NRG2: variants seen among roughly 807,000 people sequenced by gnomAD.
NRG2 encodes the protein neuregulin 2.
NRG2 carries 27 observed loss-of-function variants against 73.9 expected under a neutral mutation model. The observed-to-expected ratio is 0.37, with a 90% CI of 0.27 to 0.50. The LOEUF is 0.50. Among genes scored for constraint, NRG2 ranks in the 20% least tolerant of loss-of-function variants. NRG2 has a pLI of 0.96. For missense variants in NRG2, 1,126 were observed against 1,210.1 expected (o/e 0.93, Z 1.03); for synonymous variants, 532 against 541.0 (o/e 0.98, Z 0.23).
At chr5:139,934,277 T>C (rs1291704276) in intron 1 of NRG2, among the ~76,000 whole-genome samples, 2 of 152,182 alleles carry the variant, frequency 1.3e-5, no homozygotes, top group East Asian at 1.9e-4. Context: ...TAAAAGATAA[T>C]GATTTAAGGC....
At position 139,887,569 on chromosome 5, in the gene NRG2, G is replaced by T; in HGVS notation, c.701-58C>A. ...TGGTGGTAGGGGCAGTGCCAAGCAT[G>T]AGTAGTGGAGAGTAAGGGCCACTGT... On this transcript the variant is annotated intron_variant, in intron 1 of 9. Transcript: ENST00000361474. This position sits in a 1 kb window ranked among gnomAD's most constrained non-coding sequence, Gnocchi z 4.5. 6.7e-7 allele frequency: 1 copy of T among 1,496,656 alleles called. No individual in the cohort carries two copies. Among genetic ancestry groups the T allele is most frequent in the Non-Finnish European group, 9.2e-7 (1 of 1,085,900 alleles). The allele number at this position is 1,496,656 out of a possible 1,614,324, so 92.7% of individuals were successfully genotyped here. A position where few individuals can be genotyped will look rare whatever the true frequency, so the allele number is the denominator to read the frequency against.
At chr5:139,963,520 C>G (rs767560809) in intron 1 of NRG2, among the ~76,000 whole-genome samples, 1 of 152,216 alleles carries the variant, frequency 6.6e-6, no homozygotes, top group Non-Finnish European at 1.5e-5. Flanking sequence ...CACCCATGAT[C>G]CTCATATAAG....
At chr5:139,963,343 C>A (rs1190646793) in intron 1 of NRG2, among the ~76,000 whole-genome samples, 1 of 152,210 alleles carries the variant, frequency 6.6e-6, no homozygotes, top group African/African-American at 2.4e-5. Context: ...CACACACTCA[C>A]ATACACATGT....
intron 1 of NRG2, among the ~76,000 whole-genome samples, chr5:139,995,446 C>T (rs557979670): frequency 7.9e-5 from 12 of 152,270 alleles, no homozygotes; most frequent in African/African-American, 1.9e-4. Context: ...CAGACGCAGA[C>T]GGGCAGTTCA....
chr5:139,863,583 G>A (rs760577525), intron 5 of NRG2, among the ~76,000 whole-genome samples: 23 of 152,192 alleles, frequency 1.5e-4, no homozygotes, highest in Non-Finnish European at 2.6e-4. Flanking sequence ...CGCCATCCAG[G>A]ACAGTCTCAC....
rs949533011 is a variant in NRG2 at position 139,954,673 on chromosome 5, G to A, written c.701-67162C>T. 4.6e-5 allele frequency among the ~76,000 whole-genome samples: 7 copies of A among 152,198 alleles called. No homozygotes were observed. Among genetic ancestry groups the A allele is most frequent in the Non-Finnish European group, 7.3e-5 (5 of 68,032 alleles). On this transcript the variant is annotated intron_variant, in intron 1 of 9. Transcript: ENST00000361474. The surrounding 1 kb of genome is among the most constrained non-coding windows in gnomAD (Gnocchi z 5.0). ...CGACTCTCCGCAGAGGCCCCTGCGCGTATCCCGCCAAGTTCCTCTCTCTTT... is the reference window on the plus strand; with the variant it reads ...CGACTCTCCGCAGAGGCCCCTGCGCATATCCCGCCAAGTTCCTCTCTCTTT...
At position 140,008,618 on chromosome 5, in the gene NRG2, A is replaced by G. The variant is rs941522635; in HGVS notation, c.700+33752T>C. On this transcript the variant is annotated intron_variant, in intron 1 of 9. Coordinates refer to ENST00000361474, the MANE Select transcript of NRG2 (RefSeq NM_004883.3). The surrounding 1 kb of genome is among the most constrained non-coding windows in gnomAD (Gnocchi z 4.2). ...GAAAAACTAAAACCAAATGAAATGT[A>G]TATACACTACAGTGAATTCCAGACG... 6.6e-6 allele frequency among the ~76,000 whole-genome samples: 1 copy of G among 152,244 alleles called. No homozygotes were observed. The highest frequency in any genetic ancestry group is 2.4e-5 in the African/African-American group (1 of 41,468).
chr5:139,847,913 G>T lies in NRG2; in HGVS notation c.*4C>A, dbSNP rs1451451693. On this transcript the variant is annotated 3_prime_UTR_variant, in exon 10 of 10. Transcript: ENST00000361474. ...GGCGGGGCGGAGGGGCGCGCGGCGG[G>T]GCCCTAGAGTGGCGCCGAGTCCTGC... is the stretch of plus-strand genomic sequence containing the variant. The T allele has an allele frequency of 4.6e-5, 67 of 1,445,254 alleles. No individual in the cohort carries two copies. Among genetic ancestry groups the T allele is most frequent in the Admixed American group, 3.1e-4 (11 of 35,202 alleles). 89.5% of individuals were successfully genotyped at this position (1,445,254 alleles called of 1,614,324 possible). A position where few individuals can be genotyped will look rare whatever the true frequency, so the allele number is the denominator to read the frequency against.
At chr5:139,901,501 T>A (rs1764888260) in intron 1 of NRG2, among the ~76,000 whole-genome samples, 1 of 152,152 alleles carries the variant, frequency 6.6e-6, no homozygotes, top group Admixed American at 6.5e-5. Flanking sequence ...ATATCCCACC[T>A]CTGACCTGGT....
chr5:139,938,362 C>CT (rs35461631), intron 1 of NRG2, among the ~76,000 whole-genome samples: 22,885 of 146,480 alleles, frequency 0.16, 1,906 homozygotes, highest in South Asian at 0.26. Context: ...GATTTCAATA[C>CT]TTTTTTTTTT....
rs532064147 is a variant in NRG2 at position 139,951,656 on chromosome 5, C to T, written c.701-64145G>A. 9.2e-5 allele frequency among the ~76,000 whole-genome samples: 14 copies of T among 152,340 alleles called. 1 individual carries two copies. The South Asian group carries it at 2.3e-3, about 25-fold the overall frequency. On this transcript the variant is annotated intron_variant, in intron 1 of 9. Coordinates refer to ENST00000361474, the MANE Select transcript of NRG2 (RefSeq NM_004883.3). ...CCCAGAGATGCCTCCTTGGCCCATCCGCCTGCCTTTCATCCTACACCACCC... is the reference window on the plus strand; with the variant it reads ...CCCAGAGATGCCTCCTTGGCCCATCTGCCTGCCTTTCATCCTACACCACCC...
chr5:140,007,534 A>G (rs1759005529), intron 1 of NRG2, among the ~76,000 whole-genome samples: 1 of 152,010 alleles, frequency 6.6e-6, no homozygotes, highest in African/African-American at 2.4e-5. Context: ...CCGACAGGCA[A>G]CACCAGCTGG....
At chr5:139,952,534 G>T (rs979021719) in intron 1 of NRG2, among the ~76,000 whole-genome samples, 6 of 152,182 alleles carry the variant, frequency 3.9e-5, no homozygotes, top group African/African-American at 1.4e-4. Flanking sequence ...GTGGGAGAAG[G>T]CTCCAGATTC....
At chr5:140,002,038 G>A (rs749842057) in intron 1 of NRG2, among the ~76,000 whole-genome samples, 1 of 151,800 alleles carries the variant, frequency 6.6e-6, no homozygotes, top group East Asian at 1.9e-4. Flanking sequence ...AAAAATATTC[G>A]CCGGGCATGG....
At chr5:139,940,257 G>A (rs1580779979) in intron 1 of NRG2, among the ~76,000 whole-genome samples, 1 of 152,160 alleles carries the variant, frequency 6.6e-6, no homozygotes, top group East Asian at 1.9e-4. Context: ...ATACTACTGA[G>A]CAATAAAGAG....
At chr5:139,922,395 C>G (rs1043615879) in intron 1 of NRG2, among the ~76,000 whole-genome samples, 1 of 152,116 alleles carries the variant, frequency 6.6e-6, no homozygotes, top group Non-Finnish European at 1.5e-5. Context: ...AAAACAACAA[C>G]AAGATACCAT....
chr5:140,029,431 A>G (rs1404711761), intron 1 of NRG2, among the ~76,000 whole-genome samples: 1 of 152,188 alleles, frequency 6.6e-6, no homozygotes, highest in Admixed American at 6.5e-5. Flanking sequence ...GGAGTAACTC[A>G]CCAAATGTTC....
chr5:139,884,539 G>A (rs1763741771), intron 2 of NRG2, among the ~76,000 whole-genome samples: 1 of 152,222 alleles, frequency 6.6e-6, no homozygotes, highest in African/African-American at 2.4e-5. Context: ...TTGAATACAT[G>A]TTCCTGTTAG....
chr5:139,884,246 A>G (rs1356288491), intron 2 of NRG2, among the ~76,000 whole-genome samples: 2 of 152,182 alleles, frequency 1.3e-5, no homozygotes, highest in Non-Finnish European at 2.9e-5. Context: ...GGAGGAGACA[A>G]TGAGAGCTGC....
Sources: allele counts gnomAD v4.1 joint callset (sites outside exome capture counted in the v4.1 genomes callset), GRCh38; gene constraint gnomAD v4.1.1; non-coding constraint Gnocchi (gnomAD v3.1); transcripts MANE v1.5; gene names NCBI Gene and HGNC (gene_info 2026-07-23, HGNC 2026-07-21).